TYW1: variants seen among roughly 807,000 people sequenced by gnomAD.
The protein encoded by TYW1 is tRNA-yW synthesizing protein 1 homolog.
In TYW1, 46 loss-of-function variants were observed where a neutral mutation model predicts 96.2. The ratio of observed to expected loss-of-function variants is 0.48; its 90% confidence interval spans 0.38 to 0.61. TYW1 has a LOEUF of 0.61. TYW1 is among the 20% of genes least tolerant of loss of function. The probability of loss-of-function intolerance (pLI) is 0.00; values close to 1 mark genes in which losing one functional copy is unlikely to be tolerated. For missense variants in TYW1, 684 were observed against 909.6 expected (o/e 0.75, Z 3.19); for synonymous variants, 274 against 323.0 (o/e 0.85, Z 1.63).
chr7:67,173,095 A>G (rs145421260), intron 13 of TYW1, among the ~76,000 whole-genome samples: 6,139 of 152,294 alleles, frequency 0.04, 162 homozygotes, highest in Middle Eastern at 0.095. Flanking sequence ...ATCACTCCTA[A>G]TACAATTAAC....
chr7:67,161,953 T>C (rs1326017991), intron 13 of TYW1, among the ~76,000 whole-genome samples: 2 of 152,114 alleles, frequency 1.3e-5, no homozygotes, highest in African/African-American at 2.4e-5. Flanking sequence ...TTTTTGTTTT[T>C]GTTGTTTTGC....
At chr7:67,182,867 G>A (rs547866608) in intron 13 of TYW1, among the ~76,000 whole-genome samples, 1 of 151,752 alleles carries the variant, frequency 6.6e-6, no homozygotes, top group Non-Finnish European at 1.5e-5. Context: ...AAACCTCTGG[G>A]TGCCTGGCAT....
Position 67,227,243 on chromosome 7 carries a change from C to G in TYW1, c.1978-11065C>G, listed in dbSNP as rs924563680. Among the ~76,000 whole-genome samples the G allele has an allele frequency of 4.0e-5, 6 of 149,850 alleles. No homozygotes were observed. In the Admixed American group the frequency reaches 4.0e-4, roughly 10 times the overall value. On this transcript the variant is annotated intron_variant, in intron 15 of 15. Transcript: ENST00000359626. ...GTTTATTTGTAGGCCTTAGGCCACA[C>G]CAGATATTCTATTATTATTATTATT...
intron 15 of TYW1, among the ~76,000 whole-genome samples, chr7:67,199,916 G>C (rs1334061355): frequency 7.1e-6 from 1 of 140,562 alleles, no homozygotes; most frequent in Non-Finnish European, 1.6e-5. Context: ...GAAAGAGAGA[G>C]AGAAAGAGAA....
intron 15 of TYW1, among the ~76,000 whole-genome samples, chr7:67,235,687 C>T (rs949710872): frequency 6.6e-6 from 1 of 151,918 alleles, no homozygotes; most frequent in African/African-American, 2.4e-5. Context: ...GTCAGGAGAT[C>T]GAGACCATCC....
intron 13 of TYW1, among the ~76,000 whole-genome samples, chr7:67,119,863 C>T (rs1377499928): frequency 1.3e-5 from 2 of 152,144 alleles, no homozygotes; most frequent in African/African-American, 2.4e-5. Context: ...TCATAGCTCA[C>T]TGGAGCCTCC....
chr7:67,220,175 A>T (rs1330550754), intron 15 of TYW1, among the ~76,000 whole-genome samples: 1 of 140,380 alleles, frequency 7.1e-6, no homozygotes, highest in Non-Finnish European at 1.6e-5. Flanking sequence ...CAAATTTGTG[A>T]ATTTTTTAGT....
chr7:67,099,033 T>TA (rs201418111), intron 12 of TYW1, among the ~76,000 whole-genome samples: 294 of 86,038 alleles, frequency 3.4e-3, no homozygotes, highest in African/African-American at 0.014. Context: ...TTATTATTAT[T>TA]TTTTTTTTTT....
chr7:67,098,585 G>T lies in TYW1; in HGVS notation c.1429G>T (p.Val477Leu). 1 of 1,610,400 alleles carries T rather than the reference G, an allele frequency of 6.2e-7. No individual in the cohort carries two copies. Among genetic ancestry groups the T allele is most frequent in the African/African-American group, 1.3e-5 (1 of 74,902 alleles). The change falls in exon 12 of 16, where the codon GTA becomes TTA. Residue 477 changes from valine (V) to leucine (L), a missense_variant. Physicochemically the swap from Val to Leu is conservative, Grantham distance 32 (BLOSUM62 1). Transcript: ENST00000359626. ...KAERFEEGMT[V>L]KHCALSLVGE... is the part of the protein sequence containing the mutation. ...AGAACGCTTTGAAGAAGGAATGACG[G>T]TAAAGCACTGTGCATTGTCCCTCGT...
At chr7:67,137,617 G>T (rs1798306517) in intron 13 of TYW1, among the ~76,000 whole-genome samples, 1 of 152,192 alleles carries the variant, frequency 6.6e-6, no homozygotes, top group Admixed American at 6.5e-5. Flanking sequence ...ACACTATGTG[G>T]CCAGTTTAAA....
Position 67,148,056 on chromosome 7 carries a change from G to C in TYW1, c.1698+30438G>C, listed in dbSNP as rs566199804. Among the ~76,000 whole-genome samples the C allele has an allele frequency of 9.9e-5, 15 of 152,044 alleles. No individual in the cohort carries two copies. In the South Asian group the frequency reaches 1.5e-3, roughly 15 times the overall value. ...GGACGGCAGATTGTCATAATATTTG[G>C]CAAGAAAGAGAACAGATGGTCATCT... On this transcript the variant is annotated intron_variant, in intron 13 of 15. Coordinates refer to ENST00000359626, the MANE Select transcript of TYW1 (RefSeq NM_018264.4).
At chr7:67,228,752 C>T (rs1165179454) in intron 15 of TYW1, among the ~76,000 whole-genome samples, 2 of 152,148 alleles carry the variant, frequency 1.3e-5, no homozygotes, top group Admixed American at 6.5e-5. Context: ...AGTGACTCTG[C>T]AGTATTTGTA....
At chr7:66,999,874 C>T (rs560128213) in intron 3 of TYW1, among the ~76,000 whole-genome samples, 1 of 152,120 alleles carries the variant, frequency 6.6e-6, no homozygotes, top group African/African-American at 2.4e-5. Flanking sequence ...ATGGTTATCT[C>T]AGGGTCACTG....
At chr7:67,181,337 G>A (rs1207814850) in intron 13 of TYW1, among the ~76,000 whole-genome samples, 4 of 140,654 alleles carry the variant, frequency 2.8e-5, no homozygotes, top group African/African-American at 1.1e-4. Context: ...TTAGCTTTTG[G>A]CATTGGAAGA....
At chr7:67,183,887 C>T (rs1056958574) in intron 14 of TYW1, among the ~76,000 whole-genome samples, 4 of 151,900 alleles carry the variant, frequency 2.6e-5, no homozygotes, top group African/African-American at 9.7e-5. Flanking sequence ...GAGTGCAGTG[C>T]TGTGATCGTA....
intron 3 of TYW1, among the ~76,000 whole-genome samples, chr7:67,004,905 G>T (rs1388400966): frequency 6.6e-6 from 1 of 152,058 alleles, no homozygotes; most frequent in Admixed American, 6.6e-5. Flanking sequence ...ACAGGTGTGC[G>T]CCACCACATC....
At chr7:67,029,936 A>G (rs898253270) in intron 7 of TYW1, among the ~76,000 whole-genome samples, 2 of 152,082 alleles carry the variant, frequency 1.3e-5, no homozygotes, top group African/African-American at 4.8e-5. Context: ...CAGTTTTATT[A>G]TAAAGGCCAC....
intron 14 of TYW1, among the ~76,000 whole-genome samples, chr7:67,194,791 T>C (rs1326306240): frequency 6.7e-6 from 1 of 148,412 alleles, no homozygotes; most frequent in Non-Finnish European, 1.5e-5. Context: ...ATGCCCCCAT[T>C]ATTGTCCTAA....
intron 7 of TYW1, among the ~76,000 whole-genome samples, chr7:67,028,354 C>T (rs1018537231): frequency 2.6e-5 from 4 of 152,200 alleles, no homozygotes; most frequent in Admixed American, 2.0e-4. Flanking sequence ...TCGAGACCAG[C>T]CTGACCAACA....
Sources: allele counts gnomAD v4.1 joint callset (sites outside exome capture counted in the v4.1 genomes callset), GRCh38; gene constraint gnomAD v4.1.1; transcripts MANE v1.5; gene names NCBI Gene and HGNC (gene_info 2026-07-23, HGNC 2026-07-21).